The following SAMM50 variants were observed in gnomAD, a reference collection of about 807,000 sequenced individuals.
SAMM50 encodes the protein sorting and assembly machinery component 50 homolog.
Under a neutral mutation model 66.9 loss-of-function variants are expected in SAMM50, and 47 were observed. The ratio of observed to expected loss-of-function variants is 0.70; its 90% confidence interval spans 0.56 to 0.90. The LOEUF (loss-of-function observed/expected upper bound fraction) is 0.90, where lower values mean the gene tolerates loss of function less well. Among genes scored for constraint, SAMM50 ranks in the 40% least tolerant of loss-of-function variants. SAMM50 has a pLI of 0.00. For synonymous variants in SAMM50, 191 were observed against 214.1 expected (o/e 0.89, Z 0.94); for missense variants, 535 against 595.3 (o/e 0.90, Z 1.05).
At chr22:43,971,442 C>G (rs567947839) in intron 4 of SAMM50, among the ~76,000 whole-genome samples, 1 of 152,312 alleles carries the variant, frequency 6.6e-6, no homozygotes, top group South Asian at 2.1e-4. Flanking sequence ...CAAATCATAC[C>G]TGGTGCGGGG....
chr22:43,996,110 C>G, intron 14 of SAMM50: 1 of 654,230 alleles, frequency 1.5e-6, no homozygotes, highest in Non-Finnish European at 2.7e-6. Flanking sequence ...GTCTCTCCTT[C>G]TTTCCCTTTT....
intron 14 of SAMM50, among the ~76,000 whole-genome samples, chr22:43,991,832 G>A (rs555632924): frequency 1.6e-3 from 236 of 152,118 alleles, no homozygotes; most frequent in African/African-American, 5.3e-3. Context: ...CCAGTGCCCC[G>A]ATGCCTCTTC....
At chr22:43,957,716 G>C (rs1448627601) in intron 1 of SAMM50, among the ~76,000 whole-genome samples, 1 of 151,866 alleles carries the variant, frequency 6.6e-6, no homozygotes, top group Non-Finnish European at 1.5e-5. Context: ...GAGCCACTGC[G>C]CCCAGCCAAT....
At chr22:43,996,196 T>TGAGGCC in intron 14 of SAMM50, 142 bp from the exon 15 acceptor site, 2 of 873,274 alleles carry the variant, frequency 2.3e-6, no homozygotes, top group South Asian at 1.4e-5. Flanking sequence ...CCGGTGAGGG[T>TGAGGCC]GAGGCCGGCA....
intron 13 of SAMM50, 93 bp from the exon 14 acceptor site, chr22:43,990,172 C>A: frequency 6.7e-7 from 1 of 1,493,760 alleles, no homozygotes; most frequent in South Asian, 1.2e-5. Context: ...AACTGCAGGG[C>A]CCAGCCAGGG....
intron 3 of SAMM50, among the ~76,000 whole-genome samples, chr22:43,967,529 G>A (rs987792716): frequency 4.6e-5 from 7 of 152,208 alleles, no homozygotes; most frequent in Non-Finnish European, 8.8e-5. Flanking sequence ...AATGTCTCCA[G>A]GGTCTGTCCT....
intron 1 of SAMM50, among the ~76,000 whole-genome samples, chr22:43,955,893 C>G (rs551605425): frequency 6.6e-6 from 1 of 152,250 alleles, no homozygotes; most frequent in African/African-American, 2.4e-5. Context: ...TGAATGTGCT[C>G]TTTCTTTGCA....
rs913837181 is a variant in SAMM50, at chr22:43,996,096, T to C, written c.1365-242T>C. ...TGAGGAGGGAGTAGTGCAGGAGGATTTGGGTCTCTCCTTCTTTCCCTTTTC... is the reference window on the plus strand; with the variant it reads ...TGAGGAGGGAGTAGTGCAGGAGGATCTGGGTCTCTCCTTCTTTCCCTTTTC... On this transcript the variant is annotated intron_variant, in intron 14 of 14. Coordinates refer to ENST00000350028, the MANE Select transcript of SAMM50 (RefSeq NM_015380.5). The C allele has an allele frequency of 6.4e-6, 4 of 623,674 alleles. No individual in the cohort carries two copies. In the African/African-American group the frequency reaches 7.3e-5, roughly 11 times the overall value. The allele number at this position is 623,674 out of a possible 1,614,324, so 38.6% of individuals were successfully genotyped here.
chr22:43,956,849 T>G (rs1181695312), intron 1 of SAMM50, among the ~76,000 whole-genome samples: 10 of 152,170 alleles, frequency 6.6e-5, no homozygotes, highest in Admixed American at 5.9e-4. Flanking sequence ...CTAAAGCAAC[T>G]CTTAAGCAAA....
intron 7 of SAMM50, 99 bp from the exon 8 acceptor site, chr22:43,975,955 AT>A: frequency 8.0e-7 from 1 of 1,247,146 alleles, no homozygotes; most frequent in South Asian, 1.5e-5. Flanking sequence ...AAAATTAGAT[AT>A]TTAGTTCATT....
At chr22:43,959,018 C>CTTT (rs11337908) in intron 1 of SAMM50, among the ~76,000 whole-genome samples, 7 of 112,658 alleles carry the variant, frequency 6.2e-5, no homozygotes, top group African/African-American at 1.7e-4. Flanking sequence ...TTTCAGTTTT[C>CTTT]TTTTTTTTTT....
Position 43,985,008 on chromosome 22 carries a change from C to T in SAMM50, c.1075+1008C>T, listed in dbSNP as rs79379119. Among the ~76,000 whole-genome samples, 1,234 of 152,092 alleles carry T rather than the reference C, an allele frequency of 8.1e-3. 34 individuals carry two copies. Among genetic ancestry groups the T allele is most frequent in the African/African-American group, 0.029 (1,182 of 41,358 alleles). ...CAGTATATTTTTATGCGAGTAAATG[C>T]CATTTTTAACAGGTACATATTTCAT... On this transcript the variant is annotated intron_variant, in intron 12 of 14. Transcript: ENST00000350028.
At chr22:43,959,369 G>A (rs1226088312) in intron 1 of SAMM50, among the ~76,000 whole-genome samples, 1 of 152,042 alleles carries the variant, frequency 6.6e-6, no homozygotes, top group South Asian at 2.1e-4. Context: ...TAAAGATGCT[G>A]TTCATAACTC....
chr22:43,988,171 C>T (rs2050304022), intron 12 of SAMM50: 1 of 152,082 alleles, frequency 6.6e-6, no homozygotes, highest in Non-Finnish European at 1.5e-5. Context: ...TTCTGGGAAA[C>T]AAAAAACAAG....
chr22:43,985,654 A>G (rs1184633012), intron 12 of SAMM50, among the ~76,000 whole-genome samples: 1 of 152,026 alleles, frequency 6.6e-6, no homozygotes, highest in Non-Finnish European at 1.5e-5. Context: ...TAAAGCTTCT[A>G]TCAACATTCA....
At chr22:43,972,011 A>G (rs2050206083) in intron 4 of SAMM50, among the ~76,000 whole-genome samples, 1 of 152,146 alleles carries the variant, frequency 6.6e-6, no homozygotes, top group South Asian at 2.1e-4. Context: ...GTTTATTGAT[A>G]TATTCTACCA....
At chr22:43,987,394 C>T (rs1372241167) in intron 12 of SAMM50, 2 of 152,166 alleles carry the variant, frequency 1.3e-5, no homozygotes, top group Non-Finnish European at 2.9e-5. Context: ...ATCTCAGAAA[C>T]ATGTCGGGAG....
chr22:43,983,393 T>C lies in SAMM50; in HGVS notation c.1008-540T>C, dbSNP rs1488455068. Among the ~76,000 whole-genome samples, 1 of 152,226 alleles carries C rather than the reference T, an allele frequency of 6.6e-6. No homozygotes were observed. Among genetic ancestry groups the C allele is most frequent in the Middle Eastern group, 3.2e-3 (1 of 316 alleles). On this transcript the variant is annotated intron_variant, in intron 11 of 14. Coordinates refer to ENST00000350028, the MANE Select transcript of SAMM50 (RefSeq NM_015380.5). This position sits in a 1 kb window ranked among gnomAD's most constrained non-coding sequence, Gnocchi z 4.2. ...TCACGCTTTTCATATTATTCAGATA[T>C]GGTTGGTGAGAGTGTGACAATCCAG...
At chr22:43,968,844 A>AT in intron 4 of SAMM50, 26 bp downstream of exon 4, 1 of 1,508,936 alleles carries the variant, frequency 6.6e-7, no homozygotes, top group African/African-American at 1.4e-5. Context: ...TAGTATCTTT[A>AT]TAATTCCCTT....
Sources: allele counts gnomAD v4.1 joint callset (sites outside exome capture counted in the v4.1 genomes callset), GRCh38; gene constraint gnomAD v4.1.1; non-coding constraint Gnocchi (gnomAD v3.1); transcripts MANE v1.5; gene names NCBI Gene and HGNC (gene_info 2026-07-23, HGNC 2026-07-21).